Variants in ZC3H8 observed in about 807,000 individuals in gnomAD.
ZC3H8 encodes the protein zinc finger CCCH domain-containing protein 8.
Under a neutral mutation model 42.5 loss-of-function variants are expected in ZC3H8, and 27 were observed. The observed-to-expected ratio is 0.64, with a 90% CI of 0.47 to 0.88. The LOEUF (loss-of-function observed/expected upper bound fraction) is 0.88, where lower values mean the gene tolerates loss of function less well. ZC3H8 is among the 40% of genes least tolerant of loss of function. The pLI is 0.00. For missense variants in ZC3H8, 277 were observed against 336.1 expected, an observed-to-expected ratio of 0.82 and a Z score of 1.37; for synonymous variants, 101 against 110.1, an observed-to-expected ratio of 0.92 and a Z score of 0.52.
At position 112,212,965 on chromosome 2, in the gene ZC3H8, C is replaced by CTTTTTTTTTTTTTT. The variant is rs35500593; in HGVS notation, c.*3505_*3518dup. 2.4e-5 allele frequency: 2 copies of CTTTTTTTTTTTTTT among 84,890 alleles called. No homozygotes were observed. The highest frequency in any genetic ancestry group is 4.7e-5 in the African/African-American group (1 of 21,230). The allele number at this position is 84,890 out of a possible 1,614,324, so 5.3% of individuals were successfully genotyped here. On this transcript the variant is annotated 3_prime_UTR_variant, in exon 9 of 9. Transcript: ENST00000409573. The stretch of plus-strand genomic sequence containing the variant: ...CAGCAAGCACAACTCAGAAGAAATG[C>CTTTTTTTTTTTTTT]TTTTTTTTTTTTTTTTTTTTTTTAT...
intron 2 of ZC3H8, among the ~76,000 whole-genome samples, chr2:112,247,270 G>A (rs1054131469): frequency 6.6e-6 from 1 of 152,124 alleles, no homozygotes; most frequent in Non-Finnish European, 1.5e-5. Flanking sequence ...GTTTACCTGG[G>A]TATTCTCTTT....
intron 3 of ZC3H8, 54 bp from the exon 4 acceptor site, chr2:112,236,749 C>G: frequency 6.7e-7 from 1 of 1,501,610 alleles, no homozygotes; most frequent in South Asian, 1.2e-5. Context: ...TAGCAGTTTA[C>G]TTTTAAGAAG....
chr2:112,226,306 C>T (rs1005957268), intron 8 of ZC3H8, among the ~76,000 whole-genome samples: 4 of 151,042 alleles, frequency 2.6e-5, no homozygotes, highest in East Asian at 3.9e-4. Context: ...TAAAAAAAAG[C>T]GGCTGGGCGC....
At chr2:112,231,814 A>C (rs756989772) in intron 7 of ZC3H8, 24 bp downstream of exon 7, 1 of 1,438,234 alleles carries the variant, frequency 7.0e-7, no homozygotes, top group Non-Finnish European at 9.5e-7. Context: ...GAAAAAACAA[A>C]AGATTATTAA....
chr2:112,219,471 T>A (rs1195048775), intron 8 of ZC3H8, among the ~76,000 whole-genome samples: 1 of 152,146 alleles, frequency 6.6e-6, no homozygotes, highest in Admixed American at 6.5e-5. Context: ...GCTAAACCTA[T>A]AAAGCTCATA....
intron 1 of ZC3H8, among the ~76,000 whole-genome samples, chr2:112,250,860 C>T (rs60947478): frequency 0.088 from 13,401 of 151,970 alleles, 1,115 homozygotes; most frequent in African/African-American, 0.22. Context: ...AGATTAGGAG[C>T]GAGACAAACA....
chr2:112,221,358 T>C (rs1684577732), intron 8 of ZC3H8, among the ~76,000 whole-genome samples: 1 of 152,144 alleles, frequency 6.6e-6, no homozygotes, highest in African/African-American at 2.4e-5. Flanking sequence ...CCACTCTCTC[T>C]CTCTTGCTGG....
chr2:112,222,908 T>C (rs1684651760), intron 8 of ZC3H8, among the ~76,000 whole-genome samples: 1 of 152,230 alleles, frequency 6.6e-6, no homozygotes, highest in Non-Finnish European at 1.5e-5. Flanking sequence ...ATTGTACATT[T>C]ACAAATGGTT....
chr2:112,231,831 T>A lies in ZC3H8; in HGVS notation c.843+7A>T. On this transcript the variant is annotated splice_region_variant and intron_variant, in intron 7 of 8. Coordinates refer to ENST00000409573, the MANE Select transcript of ZC3H8 (RefSeq NM_032494.3). ...AAAAACAAAAGATTATTAAAAATTA[T>A]ACTTACTTTAGCCAACAATTCTTGT... The A allele has an allele frequency of 6.6e-7, 1 of 1,524,606 alleles. No homozygotes were observed. The highest frequency in any genetic ancestry group is 8.9e-7 in the Non-Finnish European group (1 of 1,121,872). 94.4% of individuals were successfully genotyped at this position (1,524,606 alleles called of 1,614,324 possible).
chr2:112,226,316 C>T (rs989433756), intron 8 of ZC3H8, among the ~76,000 whole-genome samples: 11 of 151,214 alleles, frequency 7.3e-5, no homozygotes, highest in Non-Finnish European at 1.3e-4. Context: ...CGGCTGGGCG[C>T]GGTAGCTCAC....
Position 112,212,965 on chromosome 2 carries a change from CTTTTTTTTT to C in ZC3H8, c.*3510_*3518del. 1.2e-5 allele frequency: 1 copy of C among 84,892 alleles called. No individual in the cohort carries two copies. The highest frequency in any genetic ancestry group is 4.2e-4 in the South Asian group (1 of 2,384). 5.3% of individuals were successfully genotyped at this position (84,892 alleles called of 1,614,324 possible). On this transcript the variant is annotated 3_prime_UTR_variant, in exon 9 of 9. Transcript: ENST00000409573. Reference sequence around the variant, plus strand: ...CAGCAAGCACAACTCAGAAGAAATGCTTTTTTTTTTTTTTTTTTTTTTTATAAGAGACAA... The same window carrying C: ...CAGCAAGCACAACTCAGAAGAAATGCTTTTTTTTTTTTTTATAAGAGACAA...
rs563495438 is a variant in ZC3H8 at position 112,212,752 on chromosome 2, A to G, written c.*3732T>C. 2.0e-5 allele frequency: 3 copies of G among 152,212 alleles called. No homozygotes were observed. Among genetic ancestry groups the G allele is most frequent in the East Asian group, 1.9e-4 (1 of 5,182 alleles). 9.4% of individuals were successfully genotyped at this position (152,212 alleles called of 1,614,324 possible). The stretch of plus-strand genomic sequence containing the variant: ...TCTCTGTTCTGGTGTCATAATCCCT[A>G]TTATAAGACTGTAATAAAGATTAAA... On this transcript the variant is annotated 3_prime_UTR_variant, in exon 9 of 9. Transcript: ENST00000409573.
At chr2:112,247,205 G>A (rs1424084042) in intron 2 of ZC3H8, among the ~76,000 whole-genome samples, 1 of 152,128 alleles carries the variant, frequency 6.6e-6, no homozygotes, top group Non-Finnish European at 1.5e-5. Flanking sequence ...TATTGTGGTG[G>A]TATGAAATCA....
chr2:112,226,059 G>A (rs1482520515), intron 8 of ZC3H8, among the ~76,000 whole-genome samples: 2 of 151,760 alleles, frequency 1.3e-5, no homozygotes, highest in Admixed American at 6.6e-5. Flanking sequence ...TCCAGCCTAG[G>A]CAACAGAGCA....
At chr2:112,238,885 A>G (rs1475688627) in intron 2 of ZC3H8, among the ~76,000 whole-genome samples, 2 of 152,224 alleles carry the variant, frequency 1.3e-5, no homozygotes, top group Non-Finnish European at 2.9e-5. Flanking sequence ...CAGTTCACAC[A>G]TTACATTTCT....
chr2:112,224,620 C>T (rs373464715), intron 8 of ZC3H8, among the ~76,000 whole-genome samples: 1 of 152,210 alleles, frequency 6.6e-6, no homozygotes, highest in East Asian at 1.9e-4. Flanking sequence ...ACAAGTATAT[C>T]CATACAAAAG....
chr2:112,219,806 A>G lies in ZC3H8; in HGVS notation c.*16-3338T>C, dbSNP rs183963511. Among the ~76,000 whole-genome samples, 370 of 152,282 alleles carry G rather than the reference A, an allele frequency of 2.4e-3. 2 individuals are homozygous for G. Among genetic ancestry groups the G allele is most frequent in the South Asian group, 0.012 (60 of 4,830 alleles). On this transcript the variant is annotated intron_variant, in intron 8 of 8. Coordinates refer to ENST00000409573, the MANE Select transcript of ZC3H8 (RefSeq NM_032494.3). ...GTCCATTTGGTCAAGTATAGAGTTC[A>G]GGTCCCAAACATCTTTGTTACTTTC...
At chr2:112,226,652 C>T (rs1021690002) in intron 8 of ZC3H8, among the ~76,000 whole-genome samples, 2 of 133,238 alleles carry the variant, frequency 1.5e-5, no homozygotes, top group Non-Finnish European at 3.2e-5. Context: ...GAAATAATAA[C>T]AAATTTTCAT....
rs114659249 is a variant in ZC3H8 at position 112,232,045 on chromosome 2, C to T, written c.734-98G>A. On this transcript the variant is annotated intron_variant, in intron 6 of 8. Coordinates refer to ENST00000409573, the MANE Select transcript of ZC3H8 (RefSeq NM_032494.3). Reference sequence around the variant, plus strand: ...TTTCCTAAATAAAGACCTCTGTGGCCGGGCGAGGTGGCTCATGCCTGTAGG... The same window carrying T: ...TTTCCTAAATAAAGACCTCTGTGGCTGGGCGAGGTGGCTCATGCCTGTAGG... 375 of 648,916 alleles carry T rather than the reference C, an allele frequency of 5.8e-4. 1 individual carries two copies. The African/African-American group carries it at 6.1e-3, about 11-fold the overall frequency. 40.2% of individuals were successfully genotyped at this position (648,916 alleles called of 1,614,324 possible).
Sources: allele counts gnomAD v4.1 joint callset (sites outside exome capture counted in the v4.1 genomes callset), GRCh38; gene constraint gnomAD v4.1.1; transcripts MANE v1.5; gene names NCBI Gene and HGNC (gene_info 2026-07-23, HGNC 2026-07-21).